The following TAFA5 variants were observed in gnomAD, a reference collection of about 807,000 sequenced individuals.
The protein encoded by TAFA5 is chemokine-like protein TAFA-5.
Under a neutral mutation model 15.3 loss-of-function variants are expected in TAFA5, and 6 were observed. That is an observed-to-expected ratio of 0.39 (90% CI 0.21 to 0.77). The LOEUF is 0.77. TAFA5 is among the 30% of genes least tolerant of loss of function. TAFA5 has a pLI of 0.41. For synonymous variants in TAFA5, 103 were observed against 80.7 expected (o/e 1.28, Z -1.48); for missense variants, 161 against 193.1 (o/e 0.83, Z 0.98).
At chr22:48,716,434 C>T (rs1473948245) in intron 3 of TAFA5, among the ~76,000 whole-genome samples, 4 of 152,152 alleles carry the variant, frequency 2.6e-5, no homozygotes, top group African/African-American at 4.8e-5. Flanking sequence ...AACCGAACAC[C>T]ACGTGTTCTC....
At chr22:48,686,076 G>T (rs1301640218) in intron 2 of TAFA5, among the ~76,000 whole-genome samples, 1 of 152,134 alleles carries the variant, frequency 6.6e-6, no homozygotes, top group Non-Finnish European at 1.5e-5. Flanking sequence ...TGCTGAGTGG[G>T]GTCAGCACAG....
At chr22:48,588,730 A>G in intron 1 of TAFA5, among the ~76,000 whole-genome samples, 1 of 152,230 alleles carries the variant, frequency 6.6e-6, no homozygotes, top group East Asian at 1.9e-4. Flanking sequence ...TGGAGGTTCT[A>G]GAAGGCCCTT....
chr22:48,684,289 G>T (rs1309654437), intron 2 of TAFA5, among the ~76,000 whole-genome samples: 1 of 152,078 alleles, frequency 6.6e-6, no homozygotes, highest in African/African-American at 2.4e-5. Context: ...GGCTTTGTGG[G>T]GTAGAGGGAG....
chr22:48,691,983 G>A (rs1052470930), intron 2 of TAFA5, among the ~76,000 whole-genome samples: 3 of 152,170 alleles, frequency 2.0e-5, no homozygotes, highest in Admixed American at 1.3e-4. Context: ...TCCTCCAAAG[G>A]GGCCTGTGCC....
intron 3 of TAFA5, among the ~76,000 whole-genome samples, chr22:48,718,663 C>T (rs1216722224): frequency 1.3e-5 from 2 of 152,192 alleles, no homozygotes; most frequent in Non-Finnish European, 2.9e-5. Flanking sequence ...ACCCTGGTCC[C>T]AGCCAGGCTT....
At chr22:48,679,184 G>T (rs1414479391) in intron 2 of TAFA5, among the ~76,000 whole-genome samples, 2 of 71,860 alleles carry the variant, frequency 2.8e-5, no homozygotes, top group East Asian at 4.6e-4. Flanking sequence ...CCCTCTCCCG[G>T]CTCCCTGTCC....
intron 1 of TAFA5, among the ~76,000 whole-genome samples, chr22:48,631,827 G>A (rs1227787885): frequency 1.3e-5 from 2 of 152,262 alleles, no homozygotes; most frequent in African/African-American, 2.4e-5. Context: ...GACAGCAGGG[G>A]GCCTAGGGGG....
At chr22:48,660,798 C>T (rs1216059039) in intron 2 of TAFA5, among the ~76,000 whole-genome samples, 2 of 152,158 alleles carry the variant, frequency 1.3e-5, no homozygotes, top group Admixed American at 6.5e-5. Flanking sequence ...TGAGGAGGCT[C>T]CTCACCTTCT....
intron 2 of TAFA5, among the ~76,000 whole-genome samples, chr22:48,658,610 A>G (rs916368496): frequency 6.6e-6 from 1 of 152,206 alleles, no homozygotes; most frequent in African/African-American, 2.4e-5. Context: ...CACCCAGGGC[A>G]GTACTGCTGT....
chr22:48,548,188 A>T (rs1382253111), intron 1 of TAFA5, among the ~76,000 whole-genome samples: 1 of 152,166 alleles, frequency 6.6e-6, no homozygotes, highest in Non-Finnish European at 1.5e-5. Context: ...CTCTGTGGCC[A>T]GCTGCACACA....
intron 1 of TAFA5, among the ~76,000 whole-genome samples, chr22:48,600,580 A>G (rs565998604): frequency 6.7e-6 from 1 of 149,702 alleles, no homozygotes; most frequent in South Asian, 2.1e-4. Flanking sequence ...GTGTGTGTGC[A>G]TCTTCGTTGG....
intron 1 of TAFA5, chr22:48,545,116 T>C: frequency 2.9e-6 from 1 of 349,338 alleles, no homozygotes. Flanking sequence ...TCTAAGCGAG[T>C]CTTCAGGTTT....
intron 1 of TAFA5, among the ~76,000 whole-genome samples, chr22:48,610,936 ATTT>A (rs33919099): frequency 2.6e-3 from 373 of 144,196 alleles, no homozygotes; most frequent in Non-Finnish European, 3.4e-3. Context: ...ACCCTTAGTA[ATTT>A]TTTTTTTTTT....
chr22:48,603,091 G>A (rs1369999610), intron 1 of TAFA5, among the ~76,000 whole-genome samples: 1 of 152,190 alleles, frequency 6.6e-6, no homozygotes, highest in African/African-American at 2.4e-5. Flanking sequence ...ATCACCCAGG[G>A]ACCCTGGAGC....
chr22:48,632,463 A>T (rs547361812), intron 1 of TAFA5, among the ~76,000 whole-genome samples: 1 of 150,000 alleles, frequency 6.7e-6, no homozygotes, highest in Non-Finnish European at 1.5e-5. Flanking sequence ...TTACACCCTG[A>T]GGTCCACCCT....
intron 1 of TAFA5, among the ~76,000 whole-genome samples, chr22:48,586,319 G>A (rs745319033): frequency 2.0e-5 from 3 of 152,266 alleles, no homozygotes; most frequent in Non-Finnish European, 4.4e-5. Context: ...CACCCGTCTT[G>A]CAGGTCTTGT....
intron 1 of TAFA5, among the ~76,000 whole-genome samples, chr22:48,523,456 T>C (rs1921676059): frequency 6.6e-6 from 1 of 152,218 alleles, no homozygotes; most frequent in Non-Finnish European, 1.5e-5. Flanking sequence ...TGTTGGCTAC[T>C]TGAGCAGGAA....
intron 1 of TAFA5, among the ~76,000 whole-genome samples, chr22:48,551,737 A>T (rs1384790354): frequency 1.3e-5 from 2 of 151,582 alleles, no homozygotes; most frequent in African/African-American, 4.9e-5. Flanking sequence ...GACGGGGGCT[A>T]AGGAAACTCT....
intron 1 of TAFA5, among the ~76,000 whole-genome samples, chr22:48,626,024 A>C (rs968425420): frequency 6.6e-6 from 1 of 152,212 alleles, no homozygotes; most frequent in Non-Finnish European, 1.5e-5. Context: ...GTGGCTTGGC[A>C]GCATCTTGTT....
Sources: gnomAD v4.1 joint callset for allele counts (sites outside exome capture counted in the v4.1 genomes callset) on GRCh38, gnomAD v4.1.1 for gene constraint, MANE v1.5 for transcripts, NCBI Gene and HGNC (gene_info 2026-07-23, HGNC 2026-07-21) for gene names.